NPRL3: variants seen among roughly 807,000 people sequenced by gnomAD.
The protein encoded by NPRL3 is GATOR1 complex protein NPRL3.
A neutral mutation model predicts 57.2 loss-of-function variants in NPRL3; 23 were observed. The observed-to-expected ratio is 0.40, with a 90% CI of 0.29 to 0.57. The LOEUF (loss-of-function observed/expected upper bound fraction) is 0.57, where lower values mean the gene tolerates loss of function less well. Ranked by LOEUF, NPRL3 falls within the 20% of genes least tolerant of loss-of-function variation. NPRL3 has a pLI of 0.42. For synonymous variants in NPRL3, 333 were observed against 321.1 expected (o/e 1.04, Z -0.39); for missense variants, 691 against 767.1 (o/e 0.90, Z 1.17).
intron 7 of NPRL3, among the ~76,000 whole-genome samples, chr16:103,863 C>G (rs767067149): frequency 3.9e-5 from 6 of 152,112 alleles, no homozygotes; most frequent in Admixed American, 6.5e-5. Context: ...ACCTGTAATC[C>G]CAGCACTTTG....
intron 4 of NPRL3, among the ~76,000 whole-genome samples, chr16:117,586 G>GCC (rs551930970): frequency 6.6e-6 from 1 of 152,002 alleles, no homozygotes; most frequent in Non-Finnish European, 1.5e-5. Flanking sequence ...TGACCCCCTC[G>GCC]CCCCCCCGCT....
intron 7 of NPRL3, among the ~76,000 whole-genome samples, chr16:106,984 G>T (rs1899559228): frequency 6.6e-6 from 1 of 152,192 alleles, no homozygotes; most frequent in South Asian, 2.1e-4. Flanking sequence ...ATGGGTACAG[G>T]GAGGGTACTA....
chr16:108,707 G>A (rs533460027), intron 7 of NPRL3, among the ~76,000 whole-genome samples: 1 of 150,252 alleles, frequency 6.7e-6, no homozygotes, highest in East Asian at 1.9e-4. Context: ...ATCTAGTTCT[G>A]TCACCCAGGC....
chr16:125,092 A>C (rs1900459288), intron 3 of NPRL3: 1 of 165,458 alleles, frequency 6.0e-6, no homozygotes, highest in Middle Eastern at 5.1e-4. Flanking sequence ...AAAAAAAAAA[A>C]AAAAACCTTT....
At chr16:101,289 A>G (rs118112009) in intron 7 of NPRL3, among the ~76,000 whole-genome samples, 1,893 of 152,258 alleles carry the variant, frequency 0.012, 23 homozygotes, top group Non-Finnish European at 0.018. Flanking sequence ...AGGAATGCCA[A>G]GTCCCCCAGA....
chr16:88,259 T>A (rs1898585971), intron 13 of NPRL3, among the ~76,000 whole-genome samples: 1 of 152,240 alleles, frequency 6.6e-6, no homozygotes, highest in Admixed American at 6.5e-5. Flanking sequence ...CGGGCGCCTG[T>A]AGTCCCAGCT....
intron 9 of NPRL3, 122 bp from the exon 10 acceptor site, chr16:93,447 C>T: frequency 2.9e-6 from 2 of 679,528 alleles, no homozygotes; most frequent in East Asian, 5.4e-5. Context: ...CAGCCTCATG[C>T]AGAACACACC....
chr16:119,756 C>T (rs544634434), intron 3 of NPRL3, among the ~76,000 whole-genome samples: 104 of 152,358 alleles, frequency 6.8e-4, no homozygotes, highest in African/African-American at 2.4e-3. Context: ...GCGTGCAGAG[C>T]GCTGACTTCC....
rs992700321 is a variant in NPRL3, at chr16:85,542, T to G, written c.*1163A>C. On this transcript the variant is annotated 3_prime_UTR_variant, in exon 14 of 14. Coordinates refer to ENST00000611875, the MANE Select transcript of NPRL3 (RefSeq NM_001077350.3). ...GAGCTCTGCAGTGGCCCCTCCAAGC[T>G]GTGCCAGGCCCTGGCCATCAACAAG... The G allele has an allele frequency of 3.7e-6, 6 of 1,613,302 alleles. No homozygotes were observed. The African/African-American group carries it at 8.0e-5, about 22-fold the overall frequency.
At chr16:93,155 G>A (rs1329640819) in intron 10 of NPRL3, 64 bp downstream of exon 10, 20 of 1,044,046 alleles carry the variant, frequency 1.9e-5, no homozygotes, top group Non-Finnish European at 2.9e-5. Flanking sequence ...AGCATCTGGA[G>A]GGCCCTGCCA....
intron 5 of NPRL3, among the ~76,000 whole-genome samples, chr16:114,884 G>T (rs749919620): frequency 6.6e-6 from 1 of 151,888 alleles, no homozygotes; most frequent in Admixed American, 6.6e-5. Context: ...TGGAGCCAGG[G>T]TTTAAAGGCA....
Position 122,089 on chromosome 16 carries a change from T to C in NPRL3, c.189-2834A>G, listed in dbSNP as rs1412219508. ...CACGCCCGGCCCCATGACAAAACAA[T>C]TGAGCGGCTTTTTCTTTTCCCCCTT... On this transcript the variant is annotated intron_variant, in intron 3 of 13. Coordinates refer to ENST00000611875, the MANE Select transcript of NPRL3 (RefSeq NM_001077350.3). Among the ~76,000 whole-genome samples, 3 of 149,414 alleles carry C rather than the reference T, an allele frequency of 2.0e-5. No individual in the cohort carries two copies. The East Asian group carries it at 6.0e-4, about 30-fold the overall frequency.
At chr16:110,191 C>T (rs932945493) in intron 7 of NPRL3, among the ~76,000 whole-genome samples, 6 of 152,156 alleles carry the variant, frequency 3.9e-5, no homozygotes, top group African/African-American at 1.4e-4. Flanking sequence ...ATCTCTTAAA[C>T]CCAGGAGGCA....
intron 7 of NPRL3, among the ~76,000 whole-genome samples, chr16:102,104 A>G (rs1435723363): frequency 6.6e-6 from 1 of 152,194 alleles, no homozygotes; most frequent in African/African-American, 2.4e-5. Flanking sequence ...CCCTGCCCCA[A>G]GAACAGGCTC....
chr16:117,287 A>G lies in NPRL3; in HGVS notation c.393+14T>C. On this transcript the variant is annotated intron_variant, in intron 5 of 13. Coordinates refer to ENST00000611875, the MANE Select transcript of NPRL3 (RefSeq NM_001077350.3). ...CCCCACTCCCTGATCTTAACCATTTATATAAACACTCACCCTCAGTGCAAA... is the reference window on the plus strand; with the variant it reads ...CCCCACTCCCTGATCTTAACCATTTGTATAAACACTCACCCTCAGTGCAAA... 4 of 1,583,768 alleles carry G rather than the reference A, an allele frequency of 2.5e-6. No individual in the cohort carries two copies. Among genetic ancestry groups the G allele is most frequent in the Non-Finnish European group, 3.5e-6 (4 of 1,154,174 alleles).
At chr16:122,375 G>C (rs1900321771) in intron 3 of NPRL3, among the ~76,000 whole-genome samples, 1 of 152,214 alleles carries the variant, frequency 6.6e-6, no homozygotes, top group Non-Finnish European at 1.5e-5. Flanking sequence ...GGGATGACAG[G>C]CATGAGCCAC....
rs764756422 is a variant in NPRL3, at chr16:86,728, C to T, written c.1687G>A (p.Val563Ile). ...VTTHEDPVIA[V>I]FQALLP ...GCTCAGGGGAGCAGAGCCTGGAAGACGGCAATGACAGGGTCCTCGTGGGTG... is the reference window on the plus strand; with the variant it reads ...GCTCAGGGGAGCAGAGCCTGGAAGATGGCAATGACAGGGTCCTCGTGGGTG... Residue 563 changes from valine (V) to isoleucine (I), a missense_variant, in exon 14 of 14, where the codon GTC (valine) becomes ATC (isoleucine). By Grantham distance (29) the Val-to-Ile change is conservative. Coordinates refer to ENST00000611875, the MANE Select transcript of NPRL3 (RefSeq NM_001077350.3). 8 of 1,564,648 alleles carry T rather than the reference C, an allele frequency of 5.1e-6. No individual in the cohort carries two copies. The highest frequency in any genetic ancestry group is 2.7e-5 in the African/African-American group (2 of 73,562).
In NPRL3 at chr16:85,526, A is replaced by G; in HGVS notation, c.*1179T>C. The stretch of plus-strand genomic sequence containing the variant: ...TGTCCTCAAGGACCGCGAGCTCTGC[A>G]GTGGCCCCTCCAAGCTGTGCCAGGC... On this transcript the variant is annotated 3_prime_UTR_variant, in exon 14 of 14. Coordinates refer to ENST00000611875, the MANE Select transcript of NPRL3 (RefSeq NM_001077350.3). The G allele has an allele frequency of 6.2e-7, 1 of 1,613,418 alleles. No individual in the cohort carries two copies. The highest frequency in any genetic ancestry group is 1.1e-5 in the South Asian group (1 of 91,086).
intron 7 of NPRL3, 56 bp from the exon 8 acceptor site, chr16:100,565 G>T (rs907835476): frequency 3.6e-6 from 5 of 1,394,368 alleles, no homozygotes; most frequent in Non-Finnish European, 4.7e-6. Context: ...CATGCACACA[G>T]ATCAGAAAAC....
Sources: allele counts gnomAD v4.1 joint callset (sites outside exome capture counted in the v4.1 genomes callset), GRCh38; gene constraint gnomAD v4.1.1; transcripts MANE v1.5; gene names NCBI Gene and HGNC (gene_info 2026-07-23, HGNC 2026-07-21).